The following APBB1IP variants were observed in gnomAD, a reference collection of about 807,000 sequenced individuals.
The protein encoded by APBB1IP is amyloid beta precursor protein binding family B member 1 interacting protein, also known as amyloid beta A4 precursor protein-binding family B member 1-interacting protein.
Under a neutral mutation model 64.9 loss-of-function variants are expected in APBB1IP, and 27 were observed. The observed-to-expected ratio is 0.42, with a 90% CI of 0.31 to 0.57. The LOEUF (loss-of-function observed/expected upper bound fraction) is 0.57. Among genes scored for constraint, APBB1IP ranks in the 20% least tolerant of loss-of-function variants. The pLI is 0.20. For synonymous variants in APBB1IP, 392 were observed against 331.0 expected, an observed-to-expected ratio of 1.18 and a Z score of -2.00; for missense variants, 812 against 845.5, an observed-to-expected ratio of 0.96 and a Z score of 0.49.
At chr10:26,441,733 G>A (rs1168973398) in intron 2 of APBB1IP, among the ~76,000 whole-genome samples, 1 of 152,150 alleles carries the variant, frequency 6.6e-6, no homozygotes, top group Admixed American at 6.6e-5. Context: ...TCTGGAGCTT[G>A]ATTCCGTGAC....
intron 11 of APBB1IP, among the ~76,000 whole-genome samples, chr10:26,544,294 G>A (rs1836734063): frequency 6.6e-6 from 1 of 152,218 alleles, no homozygotes. Flanking sequence ...TAAATCAGGA[G>A]AAGGTTTTGG....
At chr10:26,465,132 G>A (rs1174028556) in intron 2 of APBB1IP, among the ~76,000 whole-genome samples, 4 of 152,176 alleles carry the variant, frequency 2.6e-5, no homozygotes, top group Non-Finnish European at 5.9e-5. Flanking sequence ...TGTAGACTGT[G>A]CAGAGAAAAC....
In APBB1IP at chr10:26,501,476, T is replaced by A. The variant is rs113715217; in HGVS notation, c.453+365T>A. ...TGTTCTTAGCTCAGTACATAGAGAA[T>A]AGAAGGCATTCATTATACATTTTCT... On this transcript the variant is annotated intron_variant, in intron 5 of 14. Coordinates refer to ENST00000376236, the MANE Select transcript of APBB1IP (RefSeq NM_019043.4). 2.4e-3 allele frequency: 894 copies of A among 374,886 alleles called. 6 individuals carry two copies. Among genetic ancestry groups the A allele is most frequent in the African/African-American group, 0.016 (798 of 49,986 alleles). The allele number at this position is 374,886 out of a possible 1,614,324, so 23.2% of individuals were successfully genotyped here.
intron 2 of APBB1IP, among the ~76,000 whole-genome samples, chr10:26,444,083 G>A (rs762070666): frequency 1.2e-4 from 18 of 152,300 alleles, no homozygotes; most frequent in Non-Finnish European, 2.1e-4. Flanking sequence ...GGGCCCTTTC[G>A]TTTGCAGGAG....
At chr10:26,535,064 G>A (rs886881417) in intron 9 of APBB1IP, among the ~76,000 whole-genome samples, 24 of 151,890 alleles carry the variant, frequency 1.6e-4, no homozygotes, top group African/African-American at 5.8e-4. Context: ...TAAAAAGAAA[G>A]CAAAAAATAA....
At chr10:26,455,266 A>G (rs1444274514) in intron 2 of APBB1IP, among the ~76,000 whole-genome samples, 2 of 152,232 alleles carry the variant, frequency 1.3e-5, no homozygotes, top group Non-Finnish European at 2.9e-5. Context: ...ACAGTGGCTC[A>G]CGCCTGTAAT....
intron 14 of APBB1IP, among the ~76,000 whole-genome samples, chr10:26,564,598 T>C (rs971109194): frequency 6.6e-6 from 1 of 151,764 alleles, no homozygotes; most frequent in Admixed American, 6.6e-5. Flanking sequence ...AGTCCAGGAG[T>C]TGGAGACCAG....
At chr10:26,493,509 G>A (rs781320012) in intron 3 of APBB1IP, among the ~76,000 whole-genome samples, 11 of 152,072 alleles carry the variant, frequency 7.2e-5, no homozygotes, top group African/African-American at 1.4e-4. Context: ...TGAAATCTTC[G>A]CAATTTAAGT....
chr10:26,553,411 G>A (rs1836857115), intron 11 of APBB1IP, among the ~76,000 whole-genome samples: 1 of 152,096 alleles, frequency 6.6e-6, no homozygotes, highest in Non-Finnish European at 1.5e-5. Flanking sequence ...CAGCACTTTG[G>A]GAGGCCGAGG....
intron 8 of APBB1IP, among the ~76,000 whole-genome samples, chr10:26,530,464 G>A (rs922291454): frequency 3.3e-5 from 5 of 151,966 alleles, no homozygotes; most frequent in African/African-American, 1.2e-4. Context: ...GGCCGAGGCG[G>A]GCAGATCACA....
chr10:26,505,797 A>G (rs1836167691), intron 6 of APBB1IP, among the ~76,000 whole-genome samples: 1 of 151,224 alleles, frequency 6.6e-6, no homozygotes, highest in South Asian at 2.1e-4. Flanking sequence ...ATAAATCATT[A>G]TGTTTCTGCC....
intron 8 of APBB1IP, among the ~76,000 whole-genome samples, chr10:26,529,872 C>T (rs1490072572): frequency 2.6e-5 from 4 of 152,156 alleles, no homozygotes; most frequent in Non-Finnish European, 4.4e-5. Flanking sequence ...AACTGCTGAC[C>T]TCAGGTGATT....
intron 2 of APBB1IP, among the ~76,000 whole-genome samples, chr10:26,442,337 T>C (rs548647952): frequency 3.9e-5 from 6 of 152,376 alleles, no homozygotes; most frequent in African/African-American, 1.2e-4. Context: ...TGTTTTCATT[T>C]TTGTGTTTAT....
At chr10:26,494,932 G>A (rs1836001337) in intron 3 of APBB1IP, among the ~76,000 whole-genome samples, 1 of 152,038 alleles carries the variant, frequency 6.6e-6, no homozygotes, top group Non-Finnish European at 1.5e-5. Flanking sequence ...TAAGATACAA[G>A]ACAGTTGGCT....
chr10:26,506,247 G>GT (rs1172469158), intron 6 of APBB1IP, among the ~76,000 whole-genome samples: 1 of 83,980 alleles, frequency 1.2e-5, no homozygotes, highest in African/African-American at 4.2e-5. Context: ...TACCGTGTGT[G>GT]TGTGGGGGGG....
At chr10:26,541,343 G>A (rs901034733) in intron 10 of APBB1IP, among the ~76,000 whole-genome samples, 5 of 152,068 alleles carry the variant, frequency 3.3e-5, no homozygotes, top group Non-Finnish European at 7.4e-5. Flanking sequence ...TTCATATTGG[G>A]AAAGATTTAT....
chr10:26,441,282 TAC>T (rs1204267392), intron 2 of APBB1IP, among the ~76,000 whole-genome samples: 2 of 152,174 alleles, frequency 1.3e-5, no homozygotes, highest in African/African-American at 4.8e-5. Context: ...GATTTTAAAA[TAC>T]ATATTACACT....
intron 11 of APBB1IP, among the ~76,000 whole-genome samples, chr10:26,546,730 T>C (rs1407019180): frequency 6.6e-6 from 1 of 152,184 alleles, no homozygotes; most frequent in African/African-American, 2.4e-5. Context: ...TATGAAATCA[T>C]TTTCTTTTAG....
intron 6 of APBB1IP, among the ~76,000 whole-genome samples, chr10:26,507,822 G>A (rs1836202377): frequency 6.6e-6 from 1 of 152,236 alleles, no homozygotes; most frequent in Admixed American, 6.5e-5. Flanking sequence ...AGATAGAACA[G>A]CCAGCAGATT....
Sources: gnomAD v4.1 joint callset for allele counts (sites outside exome capture counted in the v4.1 genomes callset) on GRCh38, gnomAD v4.1.1 for gene constraint, MANE v1.5 for transcripts, NCBI Gene and HGNC (gene_info 2026-07-23, HGNC 2026-07-21) for gene names.